Variants in LINGO2 observed in about 807,000 individuals in gnomAD.
LINGO2 encodes leucine-rich repeat and immunoglobulin-like domain-containing nogo receptor-interacting protein 2.
Under a neutral mutation model 30.6 loss-of-function variants are expected in LINGO2, and 14 were observed. The ratio of observed to expected loss-of-function variants is 0.46; its 90% CI spans 0.30 to 0.72. LINGO2 has a LOEUF of 0.72. LINGO2 is among the 30% of genes least tolerant of loss of function. The probability of loss-of-function intolerance (pLI) is 0.07; values close to 1 mark genes in which losing one functional copy is unlikely to be tolerated. For missense variants in LINGO2, 729 were observed against 751.7 expected, an observed-to-expected ratio of 0.97 and a Z score of 0.35; for synonymous variants, 317 against 288.5, an observed-to-expected ratio of 1.10 and a Z score of -1.00.
the LINGO2 span, among the ~76,000 whole-genome samples, chr9:29,055,088 G>A: frequency 8.6e-5 from 13 of 151,954 alleles, no homozygotes; most frequent in African/African-American, 2.2e-4. Context: ...GCGTGGTGGC[G>A]GGCACCTGTA....
intron 1 of LINGO2, among the ~76,000 whole-genome samples, chr9:28,659,863 T>A (rs1383948467): frequency 6.6e-6 from 1 of 152,120 alleles, no homozygotes; most frequent in African/African-American, 2.4e-5. Flanking sequence ...AAAAATGGCT[T>A]TCAATGAGGA....
the LINGO2 span, among the ~76,000 whole-genome samples, chr9:28,898,586 T>C: frequency 9.9e-5 from 15 of 151,214 alleles, no homozygotes; most frequent in African/African-American, 2.7e-4. Context: ...AATCGACCCC[T>C]TTTTTTTTAA....
intron 4 of LINGO2, among the ~76,000 whole-genome samples, chr9:28,144,500 T>TA (rs1587075589): frequency 6.6e-6 from 1 of 152,238 alleles, no homozygotes; most frequent in African/African-American, 2.4e-5. Context: ...ACAACATTCA[T>TA]AATGCCATCC....
rs143283952 is a variant in LINGO2 at position 28,287,721 on chromosome 9, T to C, written c.-87+7487A>G. Among the ~76,000 whole-genome samples, 424 of 152,252 alleles carry C rather than the reference T, an allele frequency of 2.8e-3. 4 individuals are homozygous for C. The highest frequency in any genetic ancestry group is 0.019 in the South Asian group (90 of 4,824). On this transcript the variant is annotated intron_variant, in intron 4 of 5. Transcript: ENST00000379992. The stretch of plus-strand genomic sequence containing the variant: ...AGGGTAGCAGCTGCCCCCATGTTAA[T>C]TGAAGCATAAATTTCAGAAGCAGGA...
the LINGO2 span, among the ~76,000 whole-genome samples, chr9:29,120,976 C>T: frequency 1.6e-4 from 24 of 152,054 alleles, no homozygotes; most frequent in Admixed American, 5.2e-4. Flanking sequence ...AAATTTATGT[C>T]CAAAACCATA....
chr9:28,936,115 A>G, the LINGO2 span, among the ~76,000 whole-genome samples: 5 of 152,148 alleles, frequency 3.3e-5, no homozygotes, highest in Non-Finnish European at 7.4e-5. Context: ...TCACAAACAA[A>G]TTTTCACAAT....
intron 4 of LINGO2, chr9:28,080,603 A>G (rs1360587467): frequency 6.6e-6 from 1 of 152,180 alleles, no homozygotes; most frequent in African/African-American, 2.4e-5. Flanking sequence ...ACCATGGGAA[A>G]ATTATTTTGT....
the LINGO2 span, among the ~76,000 whole-genome samples, chr9:29,172,157 T>G: frequency 4.7e-4 from 72 of 152,072 alleles, 1 homozygote; most frequent in East Asian, 0.012. Flanking sequence ...TCTTGACAGA[T>G]TTTTGACAGA....
rs145740304 is a variant in LINGO2, at chr9:28,422,242, T to C, written c.-278-49374A>G. On this transcript the variant is annotated intron_variant, in intron 2 of 5. Coordinates refer to ENST00000379992, the Ensembl canonical transcript of LINGO2. ...ATAAAAAGGCAACCTACATAATGAGTGAAAATATTTTCAAATCATATATCT... is the reference window on the plus strand; with the variant it reads ...ATAAAAAGGCAACCTACATAATGAGCGAAAATATTTTCAAATCATATATCT... 6.9e-3 allele frequency among the ~76,000 whole-genome samples: 1,050 copies of C among 151,992 alleles called. 11 individuals carry two copies. Among genetic ancestry groups the C allele is most frequent in the African/African-American group, 0.024 (997 of 41,444 alleles).
chr9:28,827,264 TAGTG>T, the LINGO2 span, among the ~76,000 whole-genome samples: 7 of 152,174 alleles, frequency 4.6e-5, no homozygotes, highest in African/African-American at 1.7e-4. Context: ...TAACTAGTGA[TAGTG>T]AGCTCATTGA....
the LINGO2 span, among the ~76,000 whole-genome samples, chr9:29,113,285 A>G: frequency 6.6e-6 from 1 of 152,222 alleles, no homozygotes; most frequent in South Asian, 2.1e-4. Flanking sequence ...GCAAGAACAA[A>G]TATCAAATTT....
chr9:28,837,607 A>G, the LINGO2 span, among the ~76,000 whole-genome samples: 1 of 143,172 alleles, frequency 7.0e-6, no homozygotes, highest in Non-Finnish European at 1.5e-5. Context: ...AGATCGCGCC[A>G]TTGCACTCCA....
At chr9:28,626,306 T>C (rs1318735360) in intron 1 of LINGO2, among the ~76,000 whole-genome samples, 3 of 152,120 alleles carry the variant, frequency 2.0e-5, no homozygotes, top group Non-Finnish European at 4.4e-5. Context: ...GTCCTTTATA[T>C]ATTCTGGAGA....
At chr9:29,085,092 T>C in the LINGO2 span, among the ~76,000 whole-genome samples, 3 of 151,728 alleles carry the variant, frequency 2.0e-5, no homozygotes, top group East Asian at 3.9e-4. Context: ...TGTAACAACA[T>C]TTCATTTAAA....
chr9:28,307,164 G>C (rs1351489709), intron 3 of LINGO2, among the ~76,000 whole-genome samples: 1 of 152,130 alleles, frequency 6.6e-6, no homozygotes, highest in Non-Finnish European at 1.5e-5. Flanking sequence ...GATGAACATT[G>C]ATGCAAAAAT....
chr9:28,148,692 G>T lies in LINGO2; in HGVS notation c.-86-136287C>A. 6.5e-7 allele frequency: 1 copy of T among 1,533,786 alleles called. No homozygotes were observed. Among genetic ancestry groups the T allele is most frequent in the Non-Finnish European group, 8.7e-7 (1 of 1,146,162 alleles). ...CCTGCAGTGAGTTTCTACTCCAACG[G>T]CCATGGAGTCGCCAGTTCACACAGC... On this transcript the variant is annotated intron_variant, in intron 4 of 5. Coordinates refer to ENST00000379992, the Ensembl canonical transcript of LINGO2. The surrounding 1 kb of genome is among the most constrained non-coding windows in gnomAD (Gnocchi z 5.1).
chr9:28,004,481 T>G (rs1822157433), intron 5 of LINGO2, among the ~76,000 whole-genome samples: 1 of 152,208 alleles, frequency 6.6e-6, no homozygotes, highest in African/African-American at 2.4e-5. Flanking sequence ...CGTACCTTCT[T>G]GATAAATGTA....
intron 1 of LINGO2, among the ~76,000 whole-genome samples, chr9:28,557,115 A>G (rs1426166437): frequency 6.6e-6 from 1 of 152,160 alleles, no homozygotes; most frequent in Non-Finnish European, 1.5e-5. Flanking sequence ...AAACACCAAA[A>G]GCAATGGCAA....
chr9:28,709,324 T>C, the LINGO2 span, among the ~76,000 whole-genome samples: 2 of 152,144 alleles, frequency 1.3e-5, no homozygotes, highest in African/African-American at 4.8e-5. Flanking sequence ...TTTCAGGTGC[T>C]GACTTCTTTT....
Sources: gnomAD v4.1 joint callset for allele counts (sites outside exome capture counted in the v4.1 genomes callset) on GRCh38, gnomAD v4.1.1 for gene constraint, Gnocchi (gnomAD v3.1) non-coding constraint, MANE v1.5 for transcripts, NCBI Gene and HGNC (gene_info 2026-07-23, HGNC 2026-07-21) for gene names.